The following CUL5 variants were observed in gnomAD, a reference collection of about 807,000 sequenced individuals.
CUL5 encodes the protein cullin 5, also known as cullin-5.
Under a neutral mutation model 108.8 loss-of-function variants are expected in CUL5, and 26 were observed. That is an observed-to-expected ratio of 0.24 (90% CI 0.18 to 0.33). The LOEUF (loss-of-function observed/expected upper bound fraction) is 0.33, where lower values mean the gene tolerates loss of function less well. Among genes scored for constraint, CUL5 ranks in the 10% least tolerant of loss-of-function variants. The probability of loss-of-function intolerance (pLI) is 1.00; values close to 1 mark genes in which losing one functional copy is unlikely to be tolerated. For synonymous variants in CUL5, 334 were observed against 298.0 expected (o/e 1.12, Z -1.25); for missense variants, 524 against 909.2 (o/e 0.58, Z 5.45).
Position 108,073,349 on chromosome 11 carries a change from T to C in CUL5, c.1006-41T>C, listed in dbSNP as rs372257173. On this transcript the variant is annotated intron_variant, in intron 9 of 18. Coordinates refer to ENST00000393094, the MANE Select transcript of CUL5 (RefSeq NM_003478.6). ...ATTTTCTCATTTTTTTGTGTTATTC[T>C]TTTTCTTTTAAAAACTTAATGTAAA... 97 of 916,556 alleles carry C rather than the reference T, an allele frequency of 1.1e-4. 1 individual carries two copies. The African/African-American group carries it at 1.6e-3, about 15-fold the overall frequency. The allele number at this position is 916,556 out of a possible 1,614,324, so 56.8% of individuals were successfully genotyped here.
chr11:108,068,915 A>G (rs1863756382), intron 7 of CUL5, among the ~76,000 whole-genome samples: 1 of 152,176 alleles, frequency 6.6e-6, no homozygotes. Flanking sequence ...ACTGATCTTT[A>G]ATAATGACTT....
chr11:108,034,782 G>A (rs1005126317), intron 2 of CUL5, among the ~76,000 whole-genome samples: 3 of 152,098 alleles, frequency 2.0e-5, no homozygotes, highest in Non-Finnish European at 2.9e-5. Context: ...AAAATTTCAT[G>A]TCTTCTCAAT....
At chr11:108,045,913 A>G (rs1404555316) in intron 2 of CUL5, among the ~76,000 whole-genome samples, 3 of 152,156 alleles carry the variant, frequency 2.0e-5, no homozygotes, top group African/African-American at 4.8e-5. Context: ...ACAAAATAGT[A>G]TACATCTATT....
intron 1 of CUL5, among the ~76,000 whole-genome samples, chr11:108,017,921 A>G (rs996856918): frequency 6.6e-6 from 1 of 152,122 alleles, no homozygotes. Context: ...TTTTTCCCCA[A>G]AAAACTGCTT....
chr11:108,040,611 CAAAAAAAAAA>C (rs71047667), intron 2 of CUL5, among the ~76,000 whole-genome samples: 3 of 112,710 alleles, frequency 2.7e-5, no homozygotes, highest in Non-Finnish European at 5.3e-5. Flanking sequence ...GACTCCGTCT[CAAAAAAAAAA>C]AAAAAAAAAA....
At chr11:108,071,021 C>T (rs539930642) in intron 8 of CUL5, among the ~76,000 whole-genome samples, 8 of 152,022 alleles carry the variant, frequency 5.3e-5, no homozygotes, top group Admixed American at 3.9e-4. Context: ...TAATCAGTAC[C>T]GTGAGGTAGG....
intron 2 of CUL5, among the ~76,000 whole-genome samples, chr11:108,042,059 A>G (rs903603427): frequency 1.3e-5 from 2 of 152,190 alleles, no homozygotes; most frequent in Admixed American, 6.5e-5. Context: ...AGACATTTGC[A>G]TGATAAATAT....
At chr11:108,078,038 T>C in intron 10 of CUL5, 138 bp from the exon 11 acceptor site, 1 of 520,058 alleles carries the variant, frequency 1.9e-6, no homozygotes, top group Non-Finnish European at 3.4e-6. Context: ...CTAAAGTCTT[T>C]GACTAGGCAA....
intron 11 of CUL5, among the ~76,000 whole-genome samples, chr11:108,080,503 C>G (rs1023559933): frequency 6.6e-6 from 1 of 152,154 alleles, no homozygotes; most frequent in Non-Finnish European, 1.5e-5. Flanking sequence ...TCAAGTGATT[C>G]TCTTGCCTCA....
intron 4 of CUL5, among the ~76,000 whole-genome samples, chr11:108,052,073 C>T (rs1427228302): frequency 6.6e-6 from 1 of 152,112 alleles, no homozygotes; most frequent in Non-Finnish European, 1.5e-5. Flanking sequence ...TTAAGTGATC[C>T]TCCCACCTCA....
intron 11 of CUL5, 120 bp from the exon 12 acceptor site, chr11:108,088,407 C>A (rs1478915305): frequency 8.8e-7 from 1 of 1,134,486 alleles, no homozygotes; most frequent in Non-Finnish European, 1.2e-6. Context: ...TATCCTAGTT[C>A]CAAACCTGAT....
chr11:108,087,306 T>C (rs752267483), intron 11 of CUL5, among the ~76,000 whole-genome samples: 2 of 152,244 alleles, frequency 1.3e-5, no homozygotes, highest in Non-Finnish European at 2.9e-5. Context: ...ATATATTTTA[T>C]GTATGTGTAT....
At chr11:108,096,564 CTTTTTTTTTTTTT>C (rs71047671) in intron 16 of CUL5, among the ~76,000 whole-genome samples, 8 of 45,864 alleles carry the variant, frequency 1.7e-4, no homozygotes, top group East Asian at 7.6e-4. Flanking sequence ...CAGCTATGTA[CTTTTTTTTTTTTT>C]TTTTTTTTTT....
rs1433457342 is a variant in CUL5 at position 108,106,619 on chromosome 11, G to A, written c.*2235G>A. ...ATGAAAATCATTTAGTTGACAAGGT[G>A]CCTATGCCATTGTTAAATTTTCTTT... On this transcript the variant is annotated 3_prime_UTR_variant, in exon 19 of 19. Transcript: ENST00000393094. The A allele has an allele frequency of 6.9e-6, 1 of 145,054 alleles. No homozygotes were observed. Among genetic ancestry groups the A allele is most frequent in the Non-Finnish European group, 1.5e-5 (1 of 66,598 alleles). 9.0% of individuals were successfully genotyped at this position (145,054 alleles called of 1,614,324 possible).
At chr11:108,072,281 C>G (rs1253056747) in intron 8 of CUL5, 51 bp from the exon 9 acceptor site, 1 of 1,436,640 alleles carries the variant, frequency 7.0e-7, no homozygotes, top group African/African-American at 1.4e-5. Context: ...TTTCTCTAAA[C>G]TCTTACTCTA....
chr11:108,019,164 T>A (rs1057367340), intron 1 of CUL5, among the ~76,000 whole-genome samples: 2 of 131,834 alleles, frequency 1.5e-5, no homozygotes, highest in Non-Finnish European at 1.6e-5. Context: ...TATCAAGGAC[T>A]TGAACATGTA....
At chr11:108,035,045 G>A (rs1023679163) in intron 2 of CUL5, among the ~76,000 whole-genome samples, 3 of 152,252 alleles carry the variant, frequency 2.0e-5, no homozygotes, top group Non-Finnish European at 1.5e-5. Flanking sequence ...TGAGGTGTGT[G>A]TGTACCAGGA....
intron 10 of CUL5, 117 bp from the exon 11 acceptor site, chr11:108,078,059 G>A (rs558351581): frequency 7.1e-6 from 4 of 564,052 alleles, no homozygotes; most frequent in African/African-American, 6.0e-5. Flanking sequence ...ATTCTGTTTG[G>A]CCAGATATAC....
At chr11:108,047,995 A>G (rs951267345) in intron 3 of CUL5, among the ~76,000 whole-genome samples, 11 of 152,186 alleles carry the variant, frequency 7.2e-5, no homozygotes, top group African/African-American at 2.7e-4. Context: ...GGAAATGTAG[A>G]CCTCAGCAAG....
Sources: gnomAD v4.1 joint callset for allele counts (sites outside exome capture counted in the v4.1 genomes callset) on GRCh38, gnomAD v4.1.1 for gene constraint, MANE v1.5 for transcripts, NCBI Gene and HGNC (gene_info 2026-07-23, HGNC 2026-07-21) for gene names.